The following CCDC149 variants were observed in gnomAD, a reference collection of about 807,000 sequenced individuals.
CCDC149 encodes coiled-coil domain-containing protein 149.
Under a neutral mutation model 59.9 loss-of-function variants are expected in CCDC149, and 45 were observed. The observed-to-expected ratio is 0.75, with a 90% CI of 0.59 to 0.96. CCDC149 has a LOEUF of 0.96. Among genes scored for constraint, CCDC149 ranks in the 40% least tolerant of loss-of-function variants. The probability of loss-of-function intolerance (pLI) is 0.00; values close to 1 mark genes in which losing one functional copy is unlikely to be tolerated. For missense variants in CCDC149, 584 were observed against 664.7 expected (o/e 0.88, Z 1.33); for synonymous variants, 245 against 260.6 (o/e 0.94, Z 0.58).
intron 4 of CCDC149, among the ~76,000 whole-genome samples, chr4:24,852,147 T>C (rs1717698755): frequency 6.6e-6 from 1 of 151,924 alleles, no homozygotes; most frequent in Non-Finnish European, 1.5e-5. Flanking sequence ...TATGCATATT[T>C]TAAAGAGTGA....
chr4:24,844,004 G>C (rs1227999448), intron 4 of CCDC149, among the ~76,000 whole-genome samples: 1 of 152,072 alleles, frequency 6.6e-6, no homozygotes, highest in African/African-American at 2.4e-5. Context: ...CCACTCACAG[G>C]TCTGTCCAGA....
intron 1 of CCDC149, among the ~76,000 whole-genome samples, chr4:24,952,012 G>A (rs1723305499): frequency 6.6e-6 from 1 of 151,938 alleles, no homozygotes; most frequent in African/African-American, 2.4e-5. Flanking sequence ...CTTTTTGTTG[G>A]GTGCTCATTG....
At chr4:24,845,832 A>G (rs1487143555) in intron 4 of CCDC149, among the ~76,000 whole-genome samples, 1 of 152,238 alleles carries the variant, frequency 6.6e-6, no homozygotes, top group East Asian at 1.9e-4. Context: ...AAGATTACAC[A>G]GCTAAGAAGC....
At position 24,810,843 on chromosome 4, in the gene CCDC149, T is replaced by C. The variant is rs1178899243; in HGVS notation, c.1193-2024A>G. 2.0e-5 allele frequency among the ~76,000 whole-genome samples: 3 copies of C among 152,196 alleles called. No individual in the cohort carries two copies. The East Asian group carries it at 5.8e-4, about 29-fold the overall frequency. On this transcript the variant is annotated intron_variant, in intron 12 of 12. Coordinates refer to ENST00000635206, the MANE Select transcript of CCDC149 (RefSeq NM_001330643.2). ...AATGAAAAGGTTTGACAAAGCTCAGTGTTGAGAAGGATGCAGGGAAACAGG... is the reference window on the plus strand; with the variant it reads ...AATGAAAAGGTTTGACAAAGCTCAGCGTTGAGAAGGATGCAGGGAAACAGG...
downstream of CCDC149, among the ~76,000 whole-genome samples, chr4:24,805,333 G>A (rs987472898): frequency 4.6e-5 from 7 of 152,198 alleles, no homozygotes; most frequent in Admixed American, 3.9e-4. Context: ...GAACAGGACA[G>A]ATCAGAAAGA....
At chr4:24,919,006 A>G (rs904543147) in intron 1 of CCDC149, among the ~76,000 whole-genome samples, 1 of 152,250 alleles carries the variant, frequency 6.6e-6, no homozygotes, top group Non-Finnish European at 1.5e-5. Flanking sequence ...GTTTGCCAAC[A>G]TATCATGTCC....
chr4:24,889,154 T>A (rs1390657517), intron 1 of CCDC149, among the ~76,000 whole-genome samples: 3 of 152,206 alleles, frequency 2.0e-5, no homozygotes, highest in African/African-American at 7.2e-5. Flanking sequence ...TTTGCCTGAA[T>A]ATCTATTTCA....
intron 1 of CCDC149, among the ~76,000 whole-genome samples, chr4:24,937,888 C>A (rs1410176273): frequency 6.7e-6 from 1 of 149,622 alleles, no homozygotes; most frequent in Admixed American, 6.6e-5. Context: ...CTTCTGACAC[C>A]AAATTCACAC....
chr4:24,852,940 T>C (rs1421706758), intron 4 of CCDC149, 132 bp downstream of exon 4: 8 of 651,946 alleles, frequency 1.2e-5, no homozygotes, highest in East Asian at 1.1e-4. Flanking sequence ...ACTGCGAATT[T>C]TCATTATAAA....
intron 1 of CCDC149, among the ~76,000 whole-genome samples, chr4:24,899,489 G>A (rs1317571097): frequency 6.6e-6 from 1 of 152,310 alleles, no homozygotes; most frequent in Admixed American, 6.5e-5. Flanking sequence ...GCACAGCCAG[G>A]ATCGAGTCCT....
chr4:24,967,224 T>A (rs1276030261), intron 1 of CCDC149, among the ~76,000 whole-genome samples: 1 of 152,138 alleles, frequency 6.6e-6, no homozygotes, highest in Non-Finnish European at 1.5e-5. Context: ...CAGCCTCAGG[T>A]CCTGCCACAA....
At chr4:24,899,164 G>C (rs1369189068) in intron 1 of CCDC149, among the ~76,000 whole-genome samples, 1 of 152,240 alleles carries the variant, frequency 6.6e-6, no homozygotes, top group Non-Finnish European at 1.5e-5. Flanking sequence ...CACAGTGAAA[G>C]AGTGGGAATG....
At chr4:24,832,544 G>T (rs187297817) in intron 8 of CCDC149, among the ~76,000 whole-genome samples, 2 of 152,298 alleles carry the variant, frequency 1.3e-5, no homozygotes, top group African/African-American at 4.8e-5. Context: ...CCTGCCCCTT[G>T]TGCATATATC....
Position 24,819,980 on chromosome 4 carries a change from T to C in CCDC149, c.1076-5A>G. Reference sequence around the variant, plus strand: ...ACAGTATGGTGTCCTTGCCCCCTGTTGCAGAAAAGAGGAAAATGGATGTCT... The same window carrying C: ...ACAGTATGGTGTCCTTGCCCCCTGTCGCAGAAAAGAGGAAAATGGATGTCT... On this transcript the variant is annotated splice_region_variant and splice_polypyrimidine_tract_variant and intron_variant, in intron 11 of 12. Coordinates refer to ENST00000635206, the MANE Select transcript of CCDC149 (RefSeq NM_001330643.2). 1.3e-6 allele frequency: 2 copies of C among 1,544,846 alleles called. No individual in the cohort carries two copies. Among genetic ancestry groups the C allele is most frequent in the Non-Finnish European group, 1.8e-6 (2 of 1,142,762 alleles).
At chr4:24,940,381 A>G (rs1269927814) in intron 1 of CCDC149, among the ~76,000 whole-genome samples, 1 of 152,242 alleles carries the variant, frequency 6.6e-6, no homozygotes, top group Non-Finnish European at 1.5e-5. Flanking sequence ...GCCCTAAAAG[A>G]GCTCCTGAAG....
chr4:24,848,593 A>AATAC (rs1191411091), intron 4 of CCDC149, among the ~76,000 whole-genome samples: 1 of 151,824 alleles, frequency 6.6e-6, no homozygotes, highest in African/African-American at 2.4e-5. Flanking sequence ...TAAATAAATA[A>AATAC]ATACAATAAA....
intron 3 of CCDC149, among the ~76,000 whole-genome samples, chr4:24,859,311 T>G (rs980118932): frequency 5.3e-5 from 8 of 152,204 alleles, no homozygotes; most frequent in South Asian, 4.1e-4. Context: ...TAAGCTATGA[T>G]GTAGGGTGGA....
At chr4:24,803,551 C>CA (rs768684774), downstream of CCDC149, among the ~76,000 whole-genome samples, 4 of 152,016 alleles carry the variant, frequency 2.6e-5, no homozygotes, top group East Asian at 7.7e-4. The surrounding 1 kb of genome is among the most constrained non-coding windows in gnomAD (Gnocchi z 4.3). Context: ...TTTCAGGTAA[C>CA]AAAAAAGATA....
At chr4:24,869,165 G>A (rs1718876372) in intron 3 of CCDC149, among the ~76,000 whole-genome samples, 1 of 152,238 alleles carries the variant, frequency 6.6e-6, no homozygotes, top group Non-Finnish European at 1.5e-5. Context: ...GGTGGGAGGA[G>A]CTGCCTTTCA....
Sources: gnomAD v4.1 joint callset for allele counts (sites outside exome capture counted in the v4.1 genomes callset) on GRCh38, gnomAD v4.1.1 for gene constraint, Gnocchi (gnomAD v3.1) non-coding constraint, MANE v1.5 for transcripts, NCBI Gene and HGNC (gene_info 2026-07-23, HGNC 2026-07-21) for gene names.